The following TBC1D5 variants were observed in gnomAD, a reference collection of about 807,000 sequenced individuals.
TBC1D5 encodes the protein TBC1 domain family member 5, also known as TBC1 domain family, member 5.
In TBC1D5, 75 loss-of-function variants were observed where a neutral mutation model predicts 100.3. That is an observed-to-expected ratio of 0.75 (90% CI 0.62 to 0.91). TBC1D5 has a LOEUF of 0.91. Among genes scored for constraint, TBC1D5 ranks in the 40% least tolerant of loss-of-function variants. TBC1D5 has a pLI of 0.00. For synonymous variants in TBC1D5, 323 were observed against 325.6 expected (o/e 0.99, Z 0.09); for missense variants, 910 against 942.4 (o/e 0.97, Z 0.45).
intron 2 of TBC1D5, among the ~76,000 whole-genome samples, chr3:17,595,439 T>C (rs2060500612): frequency 6.6e-6 from 1 of 152,186 alleles, no homozygotes; most frequent in African/African-American, 2.4e-5. Context: ...TATGATATTT[T>C]ATAGTCTGGG....
chr3:17,651,219 G>T (rs1234040752), intron 1 of TBC1D5, among the ~76,000 whole-genome samples: 1 of 151,900 alleles, frequency 6.6e-6, no homozygotes, highest in Admixed American at 6.6e-5. Context: ...TTTAAAAATT[G>T]AACACTCAAA....
intron 3 of TBC1D5, among the ~76,000 whole-genome samples, chr3:17,493,975 A>G (rs1417346298): frequency 6.6e-6 from 1 of 152,128 alleles, no homozygotes; most frequent in Non-Finnish European, 1.5e-5. Flanking sequence ...CTTGCTGCAG[A>G]GGTGCTACAA....
intron 1 of TBC1D5, among the ~76,000 whole-genome samples, chr3:17,644,546 A>G (rs1380687654): frequency 6.6e-6 from 1 of 152,126 alleles, no homozygotes; most frequent in Admixed American, 6.6e-5. Flanking sequence ...ACAACAATCC[A>G]TAATTTCTTC....
chr3:17,359,304 A>G (rs1347476435), intron 13 of TBC1D5, among the ~76,000 whole-genome samples: 4 of 152,124 alleles, frequency 2.6e-5, no homozygotes, highest in Non-Finnish European at 1.5e-5. Flanking sequence ...AAAGCATCTT[A>G]TGACATTATG....
At chr3:17,479,820 G>A (rs536475367) in intron 3 of TBC1D5, among the ~76,000 whole-genome samples, 7 of 152,330 alleles carry the variant, frequency 4.6e-5, no homozygotes, top group African/African-American at 1.2e-4. Flanking sequence ...TGGGGGAGGC[G>A]CTAGCTGGGG....
chr3:17,244,902 G>C (rs2076599258), intron 16 of TBC1D5, among the ~76,000 whole-genome samples: 1 of 151,578 alleles, frequency 6.6e-6, no homozygotes, highest in African/African-American at 2.4e-5. Context: ...CTGTAAGTTA[G>C]AGGCCAGGTG....
chr3:17,308,101 G>T lies in TBC1D5; in HGVS notation c.1029C>A (p.Phe343Leu), dbSNP rs772679616. The T allele has an allele frequency of 2.5e-6, 4 of 1,601,850 alleles. No homozygotes were observed. The African/African-American group carries it at 4.0e-5, about 16-fold the overall frequency. ...AGACCACCAGAAGGTCCTGCAGGGG[G>T]AACTCTCGTCCAAATAGCAGCCGCA... The change falls in exon 14 of 22, where the codon TTC becomes TTA. Residue 343 changes from phenylalanine (F) to leucine (L), a missense_variant. Physicochemically the swap from Phe to Leu is conservative, Grantham distance 22. Transcript: ENST00000253692.
At chr3:17,526,651 T>C (rs2096139690) in intron 2 of TBC1D5, among the ~76,000 whole-genome samples, 1 of 152,230 alleles carries the variant, frequency 6.6e-6, no homozygotes, top group South Asian at 2.1e-4. Context: ...TTGTGAAGAT[T>C]ATATGAATAT....
intron 3 of TBC1D5, among the ~76,000 whole-genome samples, chr3:17,455,342 ATATATG>A (rs201845046): frequency 0.058 from 8,503 of 146,316 alleles, 439 homozygotes; most frequent in African/African-American, 0.14. Flanking sequence ...ATGTATATGT[ATATATG>A]TATATGTATA....
At chr3:17,589,893 G>T (rs746752946) in intron 2 of TBC1D5, among the ~76,000 whole-genome samples, 21 of 152,104 alleles carry the variant, frequency 1.4e-4, no homozygotes, top group Non-Finnish European at 2.5e-4. Flanking sequence ...ACCGATAAAT[G>T]CTATTTTAAA....
chr3:17,722,878 T>A (rs1307279873), intron 1 of TBC1D5, among the ~76,000 whole-genome samples: 1 of 152,198 alleles, frequency 6.6e-6, no homozygotes, highest in Non-Finnish European at 1.5e-5. Flanking sequence ...CATCTCCCAC[T>A]ATTTTTTTCC....
intron 2 of TBC1D5, among the ~76,000 whole-genome samples, chr3:17,590,009 G>A (rs2096756404): frequency 6.6e-6 from 1 of 152,164 alleles, no homozygotes; most frequent in Admixed American, 6.5e-5. Flanking sequence ...CCAGTATGGG[G>A]CACAGCAAGT....
At chr3:17,717,897 T>TA (rs1294064749) in intron 1 of TBC1D5, among the ~76,000 whole-genome samples, 2 of 152,214 alleles carry the variant, frequency 1.3e-5, no homozygotes, top group South Asian at 2.1e-4. Context: ...AATTTTTTTT[T>TA]ATGCTGACAG....
At chr3:17,473,085 T>G (rs1576213104) in intron 3 of TBC1D5, among the ~76,000 whole-genome samples, 1 of 152,152 alleles carries the variant, frequency 6.6e-6, no homozygotes, top group African/African-American at 2.4e-5. Flanking sequence ...AGAATATAAA[T>G]CAACTAACAC....
At chr3:17,540,121 A>T (rs1308779875) in intron 2 of TBC1D5, among the ~76,000 whole-genome samples, 1 of 152,170 alleles carries the variant, frequency 6.6e-6, no homozygotes, top group African/African-American at 2.4e-5. Flanking sequence ...TGGTGTACCA[A>T]TTGCCATTTG....
chr3:17,365,705 C>A (rs1459233480), intron 13 of TBC1D5, among the ~76,000 whole-genome samples: 2 of 152,124 alleles, frequency 1.3e-5, no homozygotes, highest in African/African-American at 2.4e-5. Context: ...TCAGTACTAA[C>A]AAGACTCCTG....
intron 1 of TBC1D5, among the ~76,000 whole-genome samples, chr3:17,707,843 T>C (rs912995496): frequency 6.6e-6 from 1 of 152,210 alleles, no homozygotes; most frequent in Non-Finnish European, 1.5e-5. Flanking sequence ...CAACATGCTG[T>C]ACCAAGTACC....
chr3:17,488,032 C>T lies in TBC1D5; in HGVS notation c.97+20442G>A, dbSNP rs532039120. Among the ~76,000 whole-genome samples, 16 of 152,274 alleles carry T rather than the reference C, an allele frequency of 1.1e-4. No homozygotes were observed. The East Asian group carries it at 1.9e-3, about 18-fold the overall frequency. ...ATTAAGCTTCACTCTTTGTGCTATA[C>T]ATTTTATATGCTTTGACAACTTATA... On this transcript the variant is annotated intron_variant, in intron 3 of 21. Coordinates refer to ENST00000253692, the Ensembl canonical transcript of TBC1D5.
intron 18 of TBC1D5, among the ~76,000 whole-genome samples, chr3:17,195,335 G>A (rs1004637538): frequency 1.3e-5 from 2 of 152,160 alleles, no homozygotes; most frequent in Non-Finnish European, 2.9e-5. Context: ...CTTAACAAGG[G>A]TTTTCCCCCT....
Sources: allele counts gnomAD v4.1 joint callset (sites outside exome capture counted in the v4.1 genomes callset), GRCh38; gene constraint gnomAD v4.1.1; transcripts MANE v1.5; gene names NCBI Gene and HGNC (gene_info 2026-07-23, HGNC 2026-07-21).